Variants in CHRM2 observed in about 807,000 individuals in gnomAD.
The protein encoded by CHRM2 is muscarinic acetylcholine receptor M2.
In CHRM2, 8 loss-of-function variants were observed where a neutral mutation model predicts 25.0. The observed-to-expected ratio is 0.32, with a 90% CI of 0.19 to 0.58. The LOEUF (loss-of-function observed/expected upper bound fraction) is 0.58, where lower values mean the gene tolerates loss of function less well. CHRM2 is among the 20% of genes least tolerant of loss of function. CHRM2 has a pLI of 0.88. For synonymous variants in CHRM2, 202 were observed against 205.7 expected (o/e 0.98, Z 0.15); for missense variants, 440 against 567.1 (o/e 0.78, Z 2.28).
intron 2 of CHRM2, among the ~76,000 whole-genome samples, chr7:136,952,623 G>C (rs543557161): frequency 6.6e-6 from 1 of 151,930 alleles, no homozygotes; most frequent in South Asian, 2.1e-4. Flanking sequence ...TTTTTGCATA[G>C]ATAAACTTGT....
In CHRM2 at chr7:136,875,070, T is replaced by TATATATACACATATATAC. The variant is rs750864238; in HGVS notation, c.-125+5682_-125+5699dup. The stretch of plus-strand genomic sequence containing the variant: ...AAATGCATGTGTGTGTATGTGTGTA[T>TATATATACACATATATAC]ATATATACACATATATACATATATA... On this transcript the variant is annotated intron_variant, in intron 2 of 3. Transcript: ENST00000680005. Among the ~76,000 whole-genome samples, 222 of 150,072 alleles carry TATATATACACATATATAC rather than the reference T, an allele frequency of 1.5e-3. 2 individuals carry two copies. Among genetic ancestry groups the TATATATACACATATATAC allele is most frequent in the Non-Finnish European group, 1.3e-3 (88 of 67,634 alleles).
intron 3 of CHRM2, among the ~76,000 whole-genome samples, chr7:136,995,992 AG>A (rs1478490986): frequency 6.6e-6 from 1 of 151,888 alleles, no homozygotes; most frequent in Admixed American, 6.6e-5. Flanking sequence ...GCAATGGAAT[AG>A]AATGGAAAGC....
At position 137,017,835 on chromosome 7, in the gene CHRM2, A is replaced by G. The variant is rs1380473296; in HGVS notation, c.*1569A>G. ...GAACTATTATCTAAGTGGTGGCATT[A>G]TATAGAATCTTGCCACGTAGAGATT... is the stretch of plus-strand genomic sequence containing the variant. On this transcript the variant is annotated 3_prime_UTR_variant, in exon 4 of 4. Coordinates refer to ENST00000680005, the MANE Select transcript of CHRM2 (RefSeq NM_001006630.2). 1.3e-5 allele frequency: 2 copies of G among 151,966 alleles called. No individual in the cohort carries two copies. Among genetic ancestry groups the G allele is most frequent in the South Asian group, 4.1e-4 (2 of 4,826 alleles). The allele number at this position is 151,966 out of a possible 1,614,324, so 9.4% of individuals were successfully genotyped here. A position where few individuals can be genotyped will look rare whatever the true frequency, so the allele number is the denominator to read the frequency against.
chr7:137,006,669 A>G lies in CHRM2; in HGVS notation c.-46-8151A>G, dbSNP rs148537754. Among the ~76,000 whole-genome samples the G allele has an allele frequency of 3.8e-3, 573 of 151,714 alleles. 1 individual carries two copies. Among genetic ancestry groups the G allele is most frequent in the Non-Finnish European group, 6.7e-3 (454 of 67,922 alleles). ...TCTTTTACATTTTTTTTTCTTTTTC[A>G]CAAAAGTGCAACTCACATCTAGCAC... On this transcript the variant is annotated intron_variant, in intron 3 of 3. Coordinates refer to ENST00000680005, the MANE Select transcript of CHRM2 (RefSeq NM_001006630.2).
Position 136,931,769 on chromosome 7 carries a change from G to A in CHRM2, c.-124-60418G>A, listed in dbSNP as rs545678839. Reference sequence around the variant, plus strand: ...GCATTTCTCTTCTTAACTCCTTCACGTATTGCTTCAATTTTTACTTCCAGA... The same window carrying A: ...GCATTTCTCTTCTTAACTCCTTCACATATTGCTTCAATTTTTACTTCCAGA... On this transcript the variant is annotated intron_variant, in intron 2 of 3. Coordinates refer to ENST00000680005, the MANE Select transcript of CHRM2 (RefSeq NM_001006630.2). 1.4e-4 allele frequency among the ~76,000 whole-genome samples: 22 copies of A among 152,146 alleles called. No individual in the cohort carries two copies. The South Asian group carries it at 3.7e-3, about 26-fold the overall frequency.
chr7:136,951,177 T>C (rs974991783), intron 2 of CHRM2: 2 of 152,108 alleles, frequency 1.3e-5, no homozygotes, highest in African/African-American at 4.8e-5. Context: ...ATGTGGAATA[T>C]CCAGCTCGAA....
Position 137,015,014 on chromosome 7 carries a change from T to G in CHRM2, c.149T>G (p.Val50Gly). The G allele has an allele frequency of 1.2e-6, 2 of 1,613,356 alleles. No individual in the cohort carries two copies. Among genetic ancestry groups the G allele is most frequent in the Non-Finnish European group, 1.7e-6 (2 of 1,179,572 alleles). ...ATCCTAGTCATGGTTTCCATTAAAG[T>G]CAACCGCCACCTCCAGACCGTCAAC... ...GNILVMVSIK[V>G]NRHLQTVNNY... The change falls in exon 4 of 4, where the codon GTC becomes GGC. Residue 50 changes from valine to glycine, a missense_variant. Physicochemically the swap from Val to Gly is moderately radical, Grantham distance 109 (BLOSUM62 -3). This residue lies in a region of CHRM2 where 86 missense variants were observed against 124.9 expected (regional missense o/e 0.69). Coordinates refer to ENST00000680005, the MANE Select transcript of CHRM2 (RefSeq NM_001006630.2). This position sits in a 1 kb window ranked among gnomAD's most constrained non-coding sequence, Gnocchi z 5.1.
chr7:136,938,085 G>A (rs754219925), intron 2 of CHRM2, among the ~76,000 whole-genome samples: 2 of 152,134 alleles, frequency 1.3e-5, no homozygotes, highest in African/African-American at 2.4e-5. Flanking sequence ...TCTGGAGTTG[G>A]GAATTGGTCA....
At chr7:136,920,836 C>A (rs1301837191) in intron 2 of CHRM2, among the ~76,000 whole-genome samples, 1 of 152,130 alleles carries the variant, frequency 6.6e-6, no homozygotes, top group Non-Finnish European at 1.5e-5. Context: ...TCTGCCAAAG[C>A]TTTCCACCAT....
chr7:137,014,765 T>C (rs1805059819), intron 3 of CHRM2, 55 bp from the exon 4 acceptor site: 23 of 1,060,756 alleles, frequency 2.2e-5, no homozygotes, highest in Admixed American at 4.0e-5. Context: ...CAACATTATG[T>C]ATTTTAAACC....
intron 2 of CHRM2, among the ~76,000 whole-genome samples, chr7:136,936,440 A>T (rs1360475695): frequency 6.6e-6 from 1 of 152,186 alleles, no homozygotes; most frequent in African/African-American, 2.4e-5. Context: ...GGTAGAATAG[A>T]TGACTAATAG....
chr7:136,970,468 T>C (rs1312963918), intron 2 of CHRM2, among the ~76,000 whole-genome samples: 3 of 152,218 alleles, frequency 2.0e-5, no homozygotes, highest in Admixed American at 2.0e-4. Context: ...TGTAATCCCA[T>C]ATTTTACTTG....
At chr7:136,883,081 C>A (rs1796327826) in intron 2 of CHRM2, among the ~76,000 whole-genome samples, 1 of 152,156 alleles carries the variant, frequency 6.6e-6, no homozygotes. Flanking sequence ...AGAAGTACTA[C>A]ACTTAGGTGC....
intron 2 of CHRM2, chr7:136,902,809 T>C (rs1451168110): frequency 4.0e-6 from 1 of 249,394 alleles, no homozygotes; most frequent in African/African-American, 2.4e-5. Flanking sequence ...CACAGTAAGA[T>C]GTAAATATTT....
chr7:136,948,908 G>C (rs1218171508), intron 2 of CHRM2, among the ~76,000 whole-genome samples: 1 of 152,174 alleles, frequency 6.6e-6, no homozygotes, highest in Non-Finnish European at 1.5e-5. Context: ...AGTCAGTTCA[G>C]AGTGGATCCA....
chr7:136,872,852 G>A (rs990507366), intron 2 of CHRM2, among the ~76,000 whole-genome samples: 1 of 152,178 alleles, frequency 6.6e-6, no homozygotes, highest in Non-Finnish European at 1.5e-5. Flanking sequence ...TAATCGTGCT[G>A]GATTCAACCT....
chr7:136,978,082 G>A (rs1802227535), intron 2 of CHRM2, among the ~76,000 whole-genome samples: 1 of 151,810 alleles, frequency 6.6e-6, no homozygotes, highest in Non-Finnish European at 1.5e-5. Flanking sequence ...TGGAGGAGGG[G>A]GAACACGGGC....
intron 3 of CHRM2, among the ~76,000 whole-genome samples, chr7:137,005,660 A>T (rs1804372600): frequency 6.6e-6 from 1 of 152,092 alleles, no homozygotes; most frequent in Non-Finnish European, 1.5e-5. Flanking sequence ...CAATGGGCAC[A>T]TAGACCATTG....
chr7:136,968,117 T>C (rs1026274008), intron 2 of CHRM2, among the ~76,000 whole-genome samples: 2 of 152,166 alleles, frequency 1.3e-5, no homozygotes, highest in Middle Eastern at 3.4e-3. Flanking sequence ...TACGTATATA[T>C]GGTGAAATGC....
Sources: gnomAD v4.1 joint callset for allele counts (sites outside exome capture counted in the v4.1 genomes callset) on GRCh38, gnomAD v4.1.1 for gene constraint, gnomAD v4.1.1 regional missense constraint, Gnocchi (gnomAD v3.1) non-coding constraint, MANE v1.5 for transcripts, NCBI Gene and HGNC (gene_info 2026-07-23, HGNC 2026-07-21) for gene names.